Variants in GPR139 observed in about 807,000 individuals in gnomAD.
GPR139 encodes the protein G protein-coupled receptor 139, also known as probable G protein-coupled receptor 139.
GPR139 carries 12 observed loss-of-function variants against 25.8 expected under a neutral mutation model. The ratio of observed to expected loss-of-function variants is 0.47; its 90% CI spans 0.30 to 0.75. The LOEUF (loss-of-function observed/expected upper bound fraction) is 0.75. Ranked by LOEUF, GPR139 falls within the 30% of genes least tolerant of loss-of-function variation. The pLI, the probability that GPR139 is intolerant of heterozygous loss-of-function variation, is 0.07. For missense variants in GPR139, 380 were observed against 450.2 expected (o/e 0.84, Z 1.41); for synonymous variants, 184 against 179.9 (o/e 1.02, Z -0.18).
intron 1 of GPR139, among the ~76,000 whole-genome samples, chr16:20,062,362 TACA>T (rs1293789427): frequency 6.6e-6 from 1 of 152,130 alleles, no homozygotes; most frequent in African/African-American, 2.4e-5. Flanking sequence ...CGTGAGAGGA[TACA>T]ACAAGTCAGG....
intron 1 of GPR139, among the ~76,000 whole-genome samples, chr16:20,033,841 G>A (rs768050434): frequency 6.6e-6 from 1 of 151,544 alleles, no homozygotes; most frequent in Non-Finnish European, 1.5e-5. Flanking sequence ...CCTGCATTAG[G>A]TTGGTGCAAA....
chr16:20,073,640 C>A lies in GPR139; in HGVS notation c.-24G>T. 6.5e-7 allele frequency: 1 copy of A among 1,546,130 alleles called. No homozygotes were observed. Among genetic ancestry groups the A allele is most frequent in the Middle Eastern group, 2.1e-4 (1 of 4,660 alleles). On this transcript the variant is annotated 5_prime_UTR_variant, in exon 1 of 2. Transcript: ENST00000570682. This position sits in a 1 kb window ranked among gnomAD's most constrained non-coding sequence, Gnocchi z 4.7. ...ATGAGCGCGCCCCTCGCTCCCCTTG[C>A]CGCTTCGCGCCCGGCCTGCCAGCCC...
At chr16:20,071,773 T>G (rs1171971742) in intron 1 of GPR139, among the ~76,000 whole-genome samples, 1 of 152,096 alleles carries the variant, frequency 6.6e-6, no homozygotes, top group Non-Finnish European at 1.5e-5. Flanking sequence ...ATTTTCTCCA[T>G]CCTCTTGTCC....
At chr16:20,050,895 C>T (rs1400905508) in intron 1 of GPR139, among the ~76,000 whole-genome samples, 6 of 151,922 alleles carry the variant, frequency 3.9e-5, no homozygotes, top group Non-Finnish European at 7.4e-5. Flanking sequence ...GACTCCATCT[C>T]TACAAAAATA....
intron 1 of GPR139, among the ~76,000 whole-genome samples, chr16:20,044,083 C>A (rs2038706283): frequency 6.6e-6 from 1 of 152,146 alleles, no homozygotes; most frequent in Non-Finnish European, 1.5e-5. Context: ...ATTGTGCACA[C>A]AGACCTCTTA....
chr16:20,047,369 G>A (rs929901503), intron 1 of GPR139, among the ~76,000 whole-genome samples: 3 of 152,144 alleles, frequency 2.0e-5, no homozygotes, highest in Non-Finnish European at 4.4e-5. Context: ...GCCTCCCAAA[G>A]TGCTGAGATT....
chr16:20,043,824 A>G (rs2057344834), intron 1 of GPR139, among the ~76,000 whole-genome samples: 1 of 152,334 alleles, frequency 6.6e-6, no homozygotes, highest in South Asian at 2.1e-4. Context: ...TACAAGAACA[A>G]GTCCTGAACA....
chr16:20,047,673 A>G (rs574305938), intron 1 of GPR139, among the ~76,000 whole-genome samples: 3 of 152,312 alleles, frequency 2.0e-5, no homozygotes, highest in African/African-American at 7.2e-5. Flanking sequence ...ATGAAAGCTG[A>G]CCACAATTTT....
chr16:20,052,418 C>CT (rs2057375358), intron 1 of GPR139, among the ~76,000 whole-genome samples: 1 of 152,250 alleles, frequency 6.6e-6, no homozygotes, highest in Admixed American at 6.5e-5. Context: ...ATAGCAGAAG[C>CT]AGCACTCATA....
chr16:20,044,994 ATTTTTTTTTTTTT>A (rs10581585), intron 1 of GPR139, among the ~76,000 whole-genome samples: 1 of 86,330 alleles, frequency 1.2e-5, no homozygotes, highest in Non-Finnish European at 2.2e-5. Context: ...CACTTGCACT[ATTTTTTTTTTTTT>A]TTTTTTTTTT....
In GPR139 at chr16:20,032,410, A is replaced by G. The variant is rs1201359158; in HGVS notation, c.387T>C (p.Ala129=). 9 of 1,614,080 alleles carry G rather than the reference A, an allele frequency of 5.6e-6. No homozygotes were observed. The highest frequency in any genetic ancestry group is 7.6e-6 in the Non-Finnish European group (9 of 1,180,032). Residue 129 remains alanine, a synonymous_variant, in exon 2 of 2, where the codon GCT becomes GCC. Coordinates refer to ENST00000570682, the MANE Select transcript of GPR139 (RefSeq NM_001002911.4). ...TGTGGTACTTGAGCGGGTGGCAGAC[A>G]GCGATATACCTGTCAATGGTTAACG... ...TVPLTIDRYI[A]VCHPLKYHTV...
chr16:20,060,217 C>G (rs1285116086), intron 1 of GPR139, among the ~76,000 whole-genome samples: 1 of 151,844 alleles, frequency 6.6e-6, no homozygotes, highest in African/African-American at 2.4e-5. Context: ...GAACCATGGC[C>G]ATTCTACACC....
At chr16:20,037,830 C>T (rs2057315287) in intron 1 of GPR139, among the ~76,000 whole-genome samples, 1 of 152,142 alleles carries the variant, frequency 6.6e-6, no homozygotes, top group Non-Finnish European at 1.5e-5. Context: ...TTGCCCCTGA[C>T]TTAGAAAAGT....
intron 1 of GPR139, among the ~76,000 whole-genome samples, chr16:20,060,922 GGAGCTTTCCTT>G: frequency 6.6e-6 from 1 of 152,058 alleles, no homozygotes. Flanking sequence ...CTTCTTGAGG[GGAGCTTTCCTT>G]GAGTTCTCTT....
chr16:20,032,887 G>A (rs966396130), intron 1 of GPR139, among the ~76,000 whole-genome samples: 2 of 152,176 alleles, frequency 1.3e-5, no homozygotes, highest in East Asian at 1.9e-4. Flanking sequence ...ACCATGAGAG[G>A]TGGTGCCTCC....
At position 20,041,253 on chromosome 16, in the gene GPR139, A is replaced by AGGAGAGGAGAGGAG. The variant is rs1324780661; in HGVS notation, c.128-8585_128-8584insCTCCTCTCCTCTCC. 1.8e-3 allele frequency among the ~76,000 whole-genome samples: 2 copies of AGGAGAGGAGAGGAG among 1,086 alleles called. 1 individual carries two copies. The highest frequency in any genetic ancestry group is 0.02 in the Admixed American group (2 of 102). 0.7% of individuals were successfully genotyped at this position (1,086 alleles called of 152,430 possible). The stretch of plus-strand genomic sequence containing the variant: ...GAGGAGAGGAGAGGAGAGGAGAGGG[A>AGGAGAGGAGAGGAG]AGGAGAAAAGAAAAGCATCTCTCTC... On this transcript the variant is annotated intron_variant, in intron 1 of 1. Transcript: ENST00000570682.
At chr16:20,052,408 A>C (rs2057375268) in intron 1 of GPR139, among the ~76,000 whole-genome samples, 1 of 152,266 alleles carries the variant, frequency 6.6e-6, no homozygotes, top group Non-Finnish European at 1.5e-5. Context: ...GGAAATCATA[A>C]TAGCAGAAGC....
chr16:20,057,011 A>G (rs1308175665), intron 1 of GPR139, among the ~76,000 whole-genome samples: 1 of 152,172 alleles, frequency 6.6e-6, no homozygotes, highest in African/African-American at 2.4e-5. Context: ...ATGTCGGGAG[A>G]ATCTTCAATC....
intron 1 of GPR139, among the ~76,000 whole-genome samples, chr16:20,037,040 C>T (rs554208753): frequency 2.2e-4 from 33 of 152,060 alleles, no homozygotes; most frequent in Admixed American, 1.7e-3. Context: ...TAAACAGACA[C>T]GCAAATGCAC....
Sources: allele counts gnomAD v4.1 joint callset (sites outside exome capture counted in the v4.1 genomes callset), GRCh38; gene constraint gnomAD v4.1.1; non-coding constraint Gnocchi (gnomAD v3.1); transcripts MANE v1.5; gene names NCBI Gene and HGNC (gene_info 2026-07-23, HGNC 2026-07-21).